The following CEP78 variants were observed in gnomAD, a reference collection of about 807,000 sequenced individuals.
CEP78 encodes centrosomal protein 78, also known as centrosomal protein of 78 kDa.
In CEP78, 76 loss-of-function variants were observed where a neutral mutation model predicts 81.2. The observed-to-expected ratio is 0.94, with a 90% CI of 0.78 to 1.13. CEP78 has a LOEUF of 1.13. Among genes scored for constraint, CEP78 ranks in the 50% most tolerant of loss-of-function variants. The pLI is 0.00. For synonymous variants in CEP78, 293 were observed against 301.4 expected (o/e 0.97, Z 0.29); for missense variants, 918 against 846.8 (o/e 1.08, Z -1.04).
intron 10 of CEP78, 110 bp from the exon 11 acceptor site, chr9:78,254,726 A>T: frequency 1.3e-6 from 1 of 742,000 alleles, no homozygotes; most frequent in Non-Finnish European, 2.1e-6. Flanking sequence ...GTAGTGATAG[A>T]CATTTATAGA....
chr9:78,262,891 T>G lies in CEP78; in HGVS notation c.1381-16T>G, dbSNP rs1433893102. 1.4e-6 allele frequency: 2 copies of G among 1,418,696 alleles called. No individual in the cohort carries two copies. Among genetic ancestry groups the G allele is most frequent in the Non-Finnish European group, 1.9e-6 (2 of 1,040,558 alleles). The allele number at this position is 1,418,696 out of a possible 1,614,324, so 87.9% of individuals were successfully genotyped here. A position where few individuals can be genotyped will look rare whatever the true frequency, so the allele number is the denominator to read the frequency against. On this transcript the variant is annotated splice_polypyrimidine_tract_variant and intron_variant, in intron 11 of 16. Transcript: ENST00000643273. Reference sequence around the variant, plus strand: ...TGGGAATTAATTATAATATTTACTTTATTACTTAATACTAGGAAAAACTGG... The same window carrying G: ...TGGGAATTAATTATAATATTTACTTGATTACTTAATACTAGGAAAAACTGG...
chr9:78,253,090 C>G (rs1177239723), intron 9 of CEP78, 142 bp from the exon 10 acceptor site: 6 of 578,472 alleles, frequency 1.0e-5, no homozygotes, highest in Middle Eastern at 4.7e-4. Context: ...CAGAGCTTTC[C>G]AGGCCCTTAT....
Position 78,248,271 on chromosome 9 carries a change from C to G in CEP78, c.893-20C>G. On this transcript the variant is annotated intron_variant, in intron 6 of 16. Coordinates refer to ENST00000643273, the MANE Select transcript of CEP78 (RefSeq NM_001330691.3). ...CATTGGGAAATAATTACTATAATTT[C>G]AATTTTTATTTTACTTTAGATCATT... is the stretch of plus-strand genomic sequence containing the variant. 2 of 1,376,834 alleles carry G rather than the reference C, an allele frequency of 1.5e-6. No individual in the cohort carries two copies. The highest frequency in any genetic ancestry group is 2.4e-5 in the South Asian group (2 of 83,042). The allele number at this position is 1,376,834 out of a possible 1,614,324, so 85.3% of individuals were successfully genotyped here. A position where few individuals can be genotyped will look rare whatever the true frequency, so the allele number is the denominator to read the frequency against.
chr9:78,241,472 T>C (rs1448486593), intron 3 of CEP78, among the ~76,000 whole-genome samples: 1 of 152,220 alleles, frequency 6.6e-6, no homozygotes, highest in Non-Finnish European at 1.5e-5. Context: ...GTCTATTCAA[T>C]TTTGGCATCT....
chr9:78,256,550 T>G (rs1047330726), intron 11 of CEP78, among the ~76,000 whole-genome samples: 1 of 119,344 alleles, frequency 8.4e-6, no homozygotes, highest in African/African-American at 3.2e-5. Context: ...TTTTTTTTTT[T>G]GAGATGGAGT....
At chr9:78,249,579 G>C (rs1255335817) in intron 8 of CEP78, 1 of 151,670 alleles carries the variant, frequency 6.6e-6, no homozygotes, top group African/African-American at 2.4e-5. Flanking sequence ...CTGTTTATCA[G>C]CTAATGGCAT....
In CEP78 at chr9:78,279,618, C is replaced by T. The variant is rs1413510614; in HGVS notation, c.*8767C>T. 6.6e-6 allele frequency: 1 copy of T among 152,216 alleles called. No homozygotes were observed. Among genetic ancestry groups the T allele is most frequent in the East Asian group, 1.9e-4 (1 of 5,190 alleles). 9.4% of individuals were successfully genotyped at this position (152,216 alleles called of 1,614,324 possible). A position where few individuals can be genotyped will look rare whatever the true frequency, so the allele number is the denominator to read the frequency against. ...TTCCTTCACCATGTGGCCTTTGCAT[C>T]TTTCCCACACAAATATTATTCCACA... On this transcript the variant is annotated 3_prime_UTR_variant, in exon 17 of 17. Transcript: ENST00000643273.
chr9:78,268,191 G>A (rs186991221), intron 16 of CEP78, among the ~76,000 whole-genome samples: 1 of 152,270 alleles, frequency 6.6e-6, no homozygotes, highest in Admixed American at 6.5e-5. Context: ...TCTAAGCTAA[G>A]TCTTAAAAGT....
intron 10 of CEP78, among the ~76,000 whole-genome samples, chr9:78,254,304 G>A (rs1826907903): frequency 6.6e-6 from 1 of 152,082 alleles, no homozygotes; most frequent in Non-Finnish European, 1.5e-5. Context: ...CTGACCTTAA[G>A]CAGTACTCCT....
intron 11 of CEP78, 43 bp from the exon 12 acceptor site, chr9:78,262,864 A>G (rs1025664774): frequency 8.2e-7 from 1 of 1,223,302 alleles, no homozygotes; most frequent in African/African-American, 1.5e-5. Flanking sequence ...TGGGGATCAT[A>G]TTGGGAATTA....
rs1827866015 is a variant in CEP78, at chr9:78,279,631, ATAT to A, written c.*8785_*8787del. On this transcript the variant is annotated 3_prime_UTR_variant, in exon 17 of 17. Coordinates refer to ENST00000643273, the MANE Select transcript of CEP78 (RefSeq NM_001330691.3). ...TGGCCTTTGCATCTTTCCCACACAAATATTATTCCACAAATATTTATTGTCACC... is the reference window on the plus strand; with the variant it reads ...TGGCCTTTGCATCTTTCCCACACAAATATTCCACAAATATTTATTGTCACC... 1 of 152,202 alleles carries A rather than the reference ATAT, an allele frequency of 6.6e-6. No individual in the cohort carries two copies. The highest frequency in any genetic ancestry group is 1.5e-5 in the Non-Finnish European group (1 of 68,038). 9.4% of individuals were successfully genotyped at this position (152,202 alleles called of 1,614,324 possible).
chr9:78,266,871 G>A, intron 16 of CEP78, 168 bp downstream of exon 16: 1 of 1,437,684 alleles, frequency 7.0e-7, no homozygotes, highest in Non-Finnish European at 9.1e-7. Flanking sequence ...TGTCAAGAAA[G>A]AAAATAGAAT....
intron 11 of CEP78, among the ~76,000 whole-genome samples, chr9:78,255,717 A>G (rs1050561843): frequency 6.6e-6 from 1 of 152,224 alleles, no homozygotes; most frequent in Non-Finnish European, 1.5e-5. Context: ...AGAATATTAG[A>G]GGGAAAAATC....
chr9:78,256,396 C>G (rs1587589539), intron 11 of CEP78, among the ~76,000 whole-genome samples: 2 of 152,274 alleles, frequency 1.3e-5, no homozygotes, highest in Middle Eastern at 6.8e-3. Context: ...CTGGGGAGAA[C>G]TAGGGTAGAT....
intron 3 of CEP78, among the ~76,000 whole-genome samples, chr9:78,241,234 G>A (rs1024172074): frequency 6.6e-6 from 1 of 152,102 alleles, no homozygotes; most frequent in Non-Finnish European, 1.5e-5. Context: ...GGAGCAGAGA[G>A]TTAAAAGGCC....
intron 7 of CEP78, 111 bp from the exon 8 acceptor site, chr9:78,248,648 ACTG>A (rs1330322701): frequency 4.6e-6 from 3 of 655,062 alleles, no homozygotes; most frequent in Non-Finnish European, 8.0e-6. Flanking sequence ...GGGTCCCAGA[ACTG>A]CTGATTGCAA....
At chr9:78,258,736 T>A (rs1231915434) in intron 11 of CEP78, among the ~76,000 whole-genome samples, 1 of 152,138 alleles carries the variant, frequency 6.6e-6, no homozygotes, top group African/African-American at 2.4e-5. Flanking sequence ...AAAATCCAAG[T>A]AGCCCATAAG....
At chr9:78,251,837 T>C in intron 8 of CEP78, 71 bp from the exon 9 acceptor site, 1 of 1,381,720 alleles carries the variant, frequency 7.2e-7, no homozygotes, top group Non-Finnish European at 9.9e-7. Flanking sequence ...TTTAAGAGTA[T>C]GCACATGTGC....
chr9:78,270,874 TA>T lies in CEP78; in HGVS notation c.*28del. Reference sequence around the variant, plus strand: ...TGAAATGACTGGAGAAATATTAAAATAAAAATAATAGCAGAGTTGGAAAACC... The same window carrying T: ...TGAAATGACTGGAGAAATATTAAAATAAAATAATAGCAGAGTTGGAAAACC... On this transcript the variant is annotated 3_prime_UTR_variant, in exon 17 of 17. Transcript: ENST00000643273. 2.9e-6 allele frequency: 2 copies of T among 685,682 alleles called. No individual in the cohort carries two copies. 42.5% of individuals were successfully genotyped at this position (685,682 alleles called of 1,614,324 possible).
Sources: gnomAD v4.1 joint callset for allele counts (sites outside exome capture counted in the v4.1 genomes callset) on GRCh38, gnomAD v4.1.1 for gene constraint, MANE v1.5 for transcripts, NCBI Gene and HGNC (gene_info 2026-07-23, HGNC 2026-07-21) for gene names.